PRR16: variants seen among roughly 807,000 people sequenced by gnomAD.
The protein encoded by PRR16 is protein Largen.
Under a neutral mutation model 18.2 loss-of-function variants are expected in PRR16, and 6 were observed. The ratio of observed to expected loss-of-function variants is 0.33; its 90% confidence interval spans 0.18 to 0.65. The LOEUF (loss-of-function observed/expected upper bound fraction) is 0.65. Among genes scored for constraint, PRR16 ranks in the 30% least tolerant of loss-of-function variants. The pLI is 0.74. For synonymous variants in PRR16, 151 were observed against 147.8 expected (o/e 1.02, Z -0.16); for missense variants, 412 against 376.6 (o/e 1.09, Z -0.78).
intron 1 of PRR16, among the ~76,000 whole-genome samples, chr5:120,511,739 G>T (rs774206654): frequency 6.6e-5 from 10 of 152,098 alleles, no homozygotes; most frequent in Non-Finnish European, 1.3e-4. Flanking sequence ...ATAGAAAAAA[G>T]TTTGTTTGAA....
intron 1 of PRR16, among the ~76,000 whole-genome samples, chr5:120,536,432 C>G (rs1318430634): frequency 6.6e-6 from 1 of 152,098 alleles, no homozygotes; most frequent in African/African-American, 2.4e-5. Context: ...TATAAAGTTA[C>G]TTTATTTTTC....
At chr5:120,546,657 A>G (rs1361199616) in intron 1 of PRR16, among the ~76,000 whole-genome samples, 1 of 152,142 alleles carries the variant, frequency 6.6e-6, no homozygotes, top group East Asian at 1.9e-4. Flanking sequence ...ATGAACAAGG[A>G]TTCAGCTAGA....
the PRR16 span, among the ~76,000 whole-genome samples, chr5:120,708,886 T>C: frequency 1.3e-5 from 2 of 152,014 alleles, no homozygotes; most frequent in Non-Finnish European, 1.5e-5. Context: ...TTACAGATGA[T>C]GCAAAAACTT....
At chr5:120,500,197 C>A (rs963142323) in intron 1 of PRR16, among the ~76,000 whole-genome samples, 4 of 152,112 alleles carry the variant, frequency 2.6e-5, no homozygotes, top group African/African-American at 9.7e-5. Context: ...AGTTTTCTGT[C>A]TTGCTAGACT....
intron 1 of PRR16, among the ~76,000 whole-genome samples, chr5:120,508,959 G>T (rs551081501): frequency 6.6e-6 from 1 of 152,034 alleles, no homozygotes; most frequent in Non-Finnish European, 1.5e-5. Context: ...TTTTAGTTGG[G>T]TGAGGGGGGG....
At chr5:120,731,235 A>G in the PRR16 span, among the ~76,000 whole-genome samples, 2 of 152,214 alleles carry the variant, frequency 1.3e-5, no homozygotes, top group African/African-American at 2.4e-5. Context: ...TCAAAAATCT[A>G]TAGTAAACTA....
At chr5:120,639,988 CA>C (rs1421679491) in intron 1 of PRR16, among the ~76,000 whole-genome samples, 1 of 151,938 alleles carries the variant, frequency 6.6e-6, no homozygotes, top group Non-Finnish European at 1.5e-5. Context: ...ATGTCCTTTG[CA>C]GCAACATAGA....
intron 1 of PRR16, among the ~76,000 whole-genome samples, chr5:120,623,634 ATAT>A (rs1355593022): frequency 1.3e-5 from 2 of 152,242 alleles, no homozygotes; most frequent in African/African-American, 2.4e-5. Context: ...ATGTTATCAT[ATAT>A]TATTAGCTCT....
rs267600324 is a variant in PRR16, at chr5:120,686,231, C to G, written c.437C>G (p.Pro146Arg). 23 of 1,614,116 alleles carry G rather than the reference C, an allele frequency of 1.4e-5. No individual in the cohort carries two copies. The highest frequency in any genetic ancestry group is 1.9e-5 in the Non-Finnish European group (23 of 1,180,026). ...DPKRVVPTAN[P>R]VKTNGTLLRN... The stretch of plus-strand genomic sequence containing the variant: ...AAAAGGGTGGTTCCAACTGCCAATC[C>G]TGTAAAAACCAATGGCACCCTTCTA... Residue 146 changes from proline (P) to arginine (R), a missense_variant, in exon 2 of 2, where the codon CCT becomes CGT. Pro to Arg is a moderately radical substitution (Grantham distance 103). Coordinates refer to ENST00000407149, the MANE Select transcript of PRR16 (RefSeq NM_001300783.2).
intron 1 of PRR16, among the ~76,000 whole-genome samples, chr5:120,593,174 C>T (rs1217743084): frequency 6.6e-6 from 1 of 151,476 alleles, no homozygotes; most frequent in African/African-American, 2.4e-5. Flanking sequence ...AAGAGCTGAA[C>T]TGAAGGAGAT....
chr5:120,640,719 T>C (rs1755393694), intron 1 of PRR16, among the ~76,000 whole-genome samples: 1 of 152,112 alleles, frequency 6.6e-6, no homozygotes, highest in Admixed American at 6.6e-5. Flanking sequence ...AGTAGCTCAA[T>C]GGTACTGTCA....
At chr5:120,785,575 G>GTTGTTGTTTTTTTT in the PRR16 span, among the ~76,000 whole-genome samples, 1 of 115,418 alleles carries the variant, frequency 8.7e-6, no homozygotes, top group African/African-American at 3.4e-5. Context: ...TGTTGTTGTT[G>GTTGTTGTTTTTTTT]TTTTTTTTTT....
chr5:120,741,468 G>C, the PRR16 span, among the ~76,000 whole-genome samples: 2 of 152,096 alleles, frequency 1.3e-5, no homozygotes, highest in South Asian at 4.1e-4. Context: ...TTCTTTTTCA[G>C]TTATTACAAA....
intron 1 of PRR16, among the ~76,000 whole-genome samples, chr5:120,631,800 T>C (rs1755062909): frequency 6.6e-6 from 1 of 152,120 alleles, no homozygotes; most frequent in African/African-American, 2.4e-5. Flanking sequence ...GGGAGATCTA[T>C]GGCCCCACCC....
intron 1 of PRR16, among the ~76,000 whole-genome samples, chr5:120,472,565 T>C (rs1355366188): frequency 2.6e-5 from 4 of 152,282 alleles, no homozygotes; most frequent in East Asian, 1.9e-4. Context: ...ATGACTCAGG[T>C]AAAGAGACAA....
At chr5:120,573,584 G>A (rs1752974381) in intron 1 of PRR16, among the ~76,000 whole-genome samples, 1 of 152,120 alleles carries the variant, frequency 6.6e-6, no homozygotes, top group African/African-American at 2.4e-5. Flanking sequence ...CATTGAACCA[G>A]CTTATAGGAT....
chr5:120,485,352 A>T (rs1015278876), intron 1 of PRR16, among the ~76,000 whole-genome samples: 2 of 152,206 alleles, frequency 1.3e-5, no homozygotes, highest in Non-Finnish European at 2.9e-5. Context: ...CCTGTTTCAG[A>T]CATTTTATTA....
chr5:120,524,657 C>T (rs1016693394), intron 1 of PRR16, among the ~76,000 whole-genome samples: 3 of 151,886 alleles, frequency 2.0e-5, no homozygotes, highest in African/African-American at 7.3e-5. Flanking sequence ...ATTCATAGTA[C>T]ATTTTAAATA....
At chr5:120,786,157 C>T in the PRR16 span, among the ~76,000 whole-genome samples, 1 of 150,208 alleles carries the variant, frequency 6.7e-6, no homozygotes, top group South Asian at 2.1e-4. Flanking sequence ...TTATGAGTCA[C>T]AAAATCTTGT....
Sources: allele counts gnomAD v4.1 joint callset (sites outside exome capture counted in the v4.1 genomes callset), GRCh38; gene constraint gnomAD v4.1.1; transcripts MANE v1.5; gene names NCBI Gene and HGNC (gene_info 2026-07-23, HGNC 2026-07-21).